The following MAP4K5 variants were observed in gnomAD, a reference collection of about 807,000 sequenced individuals.
MAP4K5 encodes mitogen-activated protein kinase kinase kinase kinase 5, also known as MAPK/ERK kinase kinase kinase 5.
MAP4K5 carries 82 observed loss-of-function variants against 135.6 expected under a neutral mutation model. That is an observed-to-expected ratio of 0.60 (90% CI 0.51 to 0.73). MAP4K5 has a LOEUF of 0.73. Ranked by LOEUF, MAP4K5 falls within the 30% of genes least tolerant of loss-of-function variation. The pLI is 0.00. For synonymous variants in MAP4K5, 347 were observed against 335.0 expected (o/e 1.04, Z -0.39); for missense variants, 907 against 1,010.9 (o/e 0.90, Z 1.39).
At chr14:50,473,700 G>T (rs1312954965) in intron 9 of MAP4K5, among the ~76,000 whole-genome samples, 1 of 148,036 alleles carries the variant, frequency 6.8e-6, no homozygotes, top group Non-Finnish European at 1.5e-5. Flanking sequence ...AGTTACTGAT[G>T]GCTCTTTTGG....
intron 12 of MAP4K5, 116 bp downstream of exon 12, chr14:50,463,936 G>C (rs1424236226): frequency 5.9e-6 from 2 of 341,588 alleles, no homozygotes; most frequent in Non-Finnish European, 1.0e-5. Context: ...AAAGTTTGCT[G>C]ACCCCTGCTG....
chr14:50,486,017 T>C, intron 4 of MAP4K5, 87 bp downstream of exon 4: 2 of 639,008 alleles, frequency 3.1e-6, no homozygotes, highest in Non-Finnish European at 5.5e-6. Context: ...AACATACAAA[T>C]ATAGTAGCAC....
At chr14:50,529,220 T>TAA (rs112894216) in intron 2 of MAP4K5, among the ~76,000 whole-genome samples, 3 of 150,146 alleles carry the variant, frequency 2.0e-5, no homozygotes, top group Non-Finnish European at 4.4e-5. Flanking sequence ...TCCTCTCTAC[T>TAA]AAAAAAAAAT....
chr14:50,508,508 T>C (rs986911001), intron 2 of MAP4K5, among the ~76,000 whole-genome samples: 25 of 151,948 alleles, frequency 1.6e-4, no homozygotes, highest in Middle Eastern at 3.4e-3. Context: ...TAGGTGGGAA[T>C]TGAACAATGA....
intron 6 of MAP4K5, among the ~76,000 whole-genome samples, chr14:50,480,574 C>T (rs1385318798): frequency 5.3e-5 from 8 of 152,028 alleles, no homozygotes; most frequent in African/African-American, 1.4e-4. Context: ...TTTCTGTCCC[C>T]GGCTTATTTC....
chr14:50,534,201 C>T (rs567114616), upstream of MAP4K5, among the ~76,000 whole-genome samples: 2 of 152,216 alleles, frequency 1.3e-5, no homozygotes, highest in East Asian at 1.9e-4. Context: ...TTTACACTTG[C>T]GTTACTCCAG....
chr14:50,534,346 A>G (rs961412795), upstream of MAP4K5, among the ~76,000 whole-genome samples: 2 of 152,220 alleles, frequency 1.3e-5, no homozygotes, highest in Non-Finnish European at 2.9e-5. Flanking sequence ...AGAGGATTTT[A>G]TAGTGTTTTT....
intron 21 of MAP4K5, 72 bp downstream of exon 21, chr14:50,442,660 G>T: frequency 9.3e-7 from 1 of 1,070,438 alleles, no homozygotes; most frequent in Non-Finnish European, 1.4e-6. Flanking sequence ...ACAACTTCAA[G>T]TCACTGATCA....
At chr14:50,452,307 G>T (rs2036508137) in intron 14 of MAP4K5, among the ~76,000 whole-genome samples, 1 of 152,114 alleles carries the variant, frequency 6.6e-6, no homozygotes. Flanking sequence ...AGGACAAATA[G>T]AAATCTCAAA....
intron 2 of MAP4K5, among the ~76,000 whole-genome samples, chr14:50,530,859 TATTA>T (rs2038371153): frequency 6.6e-6 from 1 of 152,078 alleles, no homozygotes; most frequent in Non-Finnish European, 1.5e-5. Context: ...GAAATGCTAA[TATTA>T]ATTAGGAGGA....
intron 30 of MAP4K5, among the ~76,000 whole-genome samples, 166 bp downstream of exon 30, chr14:50,428,496 T>A (rs1298319018): frequency 6.6e-6 from 1 of 152,202 alleles, no homozygotes; most frequent in Non-Finnish European, 1.5e-5. Context: ...GACCTTGTGA[T>A]CTGCCCACCT....
At chr14:50,538,301 T>A (rs2038518948) in intron 2 of MAP4K5, among the ~76,000 whole-genome samples, 1 of 152,224 alleles carries the variant, frequency 6.6e-6, no homozygotes, top group Non-Finnish European at 1.5e-5. Context: ...CACATAGAAC[T>A]GTAAATCCAA....
chr14:50,521,666 C>T lies in MAP4K5; in HGVS notation c.108+10276G>A, dbSNP rs116629570. Among the ~76,000 whole-genome samples the T allele has an allele frequency of 2.7e-3, 415 of 152,236 alleles. 3 individuals carry two copies. The highest frequency in any genetic ancestry group is 9.1e-3 in the African/African-American group (380 of 41,534). ...TCATTTTCATAAATATGTTGGAAGGCGGGGGCCAGTATGACTCACTAGCCC... is the reference window on the plus strand; with the variant it reads ...TCATTTTCATAAATATGTTGGAAGGTGGGGGCCAGTATGACTCACTAGCCC... On this transcript the variant is annotated intron_variant, in intron 2 of 32. Coordinates refer to ENST00000682126, the MANE Select transcript of MAP4K5 (RefSeq NM_006575.6).
At chr14:50,437,397 G>C in intron 26 of MAP4K5, 79 bp downstream of exon 26, 1 of 1,114,050 alleles carries the variant, frequency 9.0e-7, no homozygotes, top group Non-Finnish European at 1.3e-6. Context: ...CTTCCTATTT[G>C]ATTCCATACG....
In MAP4K5 at chr14:50,437,972, G is replaced by A. The variant is rs574623909; in HGVS notation, c.1745C>T (p.Ala582Val). 2.3e-5 allele frequency: 37 copies of A among 1,611,860 alleles called. 1 individual carries two copies. In the South Asian group the frequency reaches 4.0e-4, roughly 17 times the overall value. The stretch of plus-strand genomic sequence containing the variant: ...TGGTTTTTTGGCATGTTCAAACAAA[G>A]CTATAAGATTGTGAGAGTAGAGCTG... ...TFQLYSHNLI[A>V]LFEHAKKPGL... The change falls in exon 25 of 33, where the codon GCT (alanine) becomes GTT (valine). Residue 582 changes from alanine to valine, a missense_variant. Coordinates refer to ENST00000682126, the MANE Select transcript of MAP4K5 (RefSeq NM_006575.6).
chr14:50,426,719 G>A (rs1328299700), intron 30 of MAP4K5, among the ~76,000 whole-genome samples: 1 of 152,138 alleles, frequency 6.6e-6, no homozygotes, highest in East Asian at 1.9e-4. Context: ...GCGAGACTCC[G>A]TCTCAAACAA....
In MAP4K5 at chr14:50,445,029, T is replaced by C; in HGVS notation, c.1339+12A>G. 1.2e-6 allele frequency: 2 copies of C among 1,612,116 alleles called. No homozygotes were observed. The highest frequency in any genetic ancestry group is 1.7e-6 in the Non-Finnish European group (2 of 1,179,024). ...ATATGTACCCCATGGCTGCTAATAA[T>C]GCTAGCCATACCAATAGAAGAAGTC... On this transcript the variant is annotated intron_variant, in intron 18 of 32. Coordinates refer to ENST00000682126, the MANE Select transcript of MAP4K5 (RefSeq NM_006575.6).
In MAP4K5 at chr14:50,456,561, TA is replaced by T; in HGVS notation, c.969del (p.Thr324GlnfsTer14). The T allele has an allele frequency of 6.3e-7, 1 of 1,579,568 alleles. No homozygotes were observed. Among genetic ancestry groups the T allele is most frequent in the East Asian group, 2.3e-5 (1 of 43,438 alleles). The part of the protein sequence containing the change: ...PHAIIRHTIR[S>X]TNRNARAERT... ...CGTTCAGCTCTGGCATTCCTGTTTG[TA>T]GATCTAATGGTATGACGAATGATTG... On this transcript the variant is annotated frameshift_variant, in exon 14 of 33. Transcript: ENST00000682126. LOFTEE classifies it high-confidence loss of function.
At chr14:50,504,924 G>A (rs1475277720) in intron 2 of MAP4K5, 67 bp from the exon 3 acceptor site, 72 of 982,986 alleles carry the variant, frequency 7.3e-5, no homozygotes, top group Non-Finnish European at 9.9e-5. Flanking sequence ...AAATTACTTG[G>A]TACTATGTTA....
Sources: gnomAD v4.1 joint callset for allele counts (sites outside exome capture counted in the v4.1 genomes callset) on GRCh38, gnomAD v4.1.1 for gene constraint, MANE v1.5 for transcripts, NCBI Gene and HGNC (gene_info 2026-07-23, HGNC 2026-07-21) for gene names.